Variants in ARSJ observed in about 807,000 individuals in gnomAD.
ARSJ encodes the protein arylsulfatase J.
A neutral mutation model predicts 35.9 loss-of-function variants in ARSJ; 26 were observed. The observed-to-expected ratio is 0.72, with a 90% CI of 0.53 to 1.00. ARSJ has a LOEUF of 1.00. Among genes scored for constraint, ARSJ ranks in the 50% least tolerant of loss-of-function variants. ARSJ has a pLI of 0.00. For missense variants in ARSJ, 667 were observed against 723.6 expected, an observed-to-expected ratio of 0.92 and a Z score of 0.90; for synonymous variants, 294 against 267.6, an observed-to-expected ratio of 1.10 and a Z score of -0.96.
intron 1 of ARSJ, among the ~76,000 whole-genome samples, chr4:113,919,192 A>G (rs527565980): frequency 8.5e-5 from 13 of 152,288 alleles, no homozygotes; most frequent in Admixed American, 7.8e-4. Flanking sequence ...AGCTGAGACC[A>G]AGGGCTCAGT....
chr4:113,953,561 G>A (rs926959911), intron 1 of ARSJ, among the ~76,000 whole-genome samples: 1 of 152,022 alleles, frequency 6.6e-6, no homozygotes, highest in Non-Finnish European at 1.5e-5. Flanking sequence ...AATAGGATTT[G>A]AATTTCCAAT....
chr4:113,959,091 T>G (rs934417789), intron 1 of ARSJ, among the ~76,000 whole-genome samples: 1 of 151,994 alleles, frequency 6.6e-6, no homozygotes, highest in Non-Finnish European at 1.5e-5. Context: ...CGATAAAATT[T>G]AAATAATAAC....
intron 1 of ARSJ, among the ~76,000 whole-genome samples, chr4:113,934,104 A>G (rs1271079556): frequency 6.6e-6 from 1 of 151,834 alleles, no homozygotes; most frequent in Non-Finnish European, 1.5e-5. Flanking sequence ...GACAGTAAAT[A>G]ACGGATGCTG....
chr4:113,941,873 A>C (rs1725181734), intron 1 of ARSJ, among the ~76,000 whole-genome samples: 1 of 152,056 alleles, frequency 6.6e-6, no homozygotes, highest in Non-Finnish European at 1.5e-5. Context: ...TAACATTATT[A>C]TTATGGATTA....
intron 1 of ARSJ, among the ~76,000 whole-genome samples, chr4:113,963,088 T>C (rs1315894148): frequency 6.6e-6 from 1 of 152,018 alleles, no homozygotes; most frequent in African/African-American, 2.4e-5. Flanking sequence ...AATATTGTCC[T>C]CTCAATTTCT....
chr4:113,942,921 T>TA (rs1055038141), intron 1 of ARSJ, among the ~76,000 whole-genome samples: 3 of 151,808 alleles, frequency 2.0e-5, no homozygotes, highest in African/African-American at 4.8e-5. Context: ...ACCTAGCTAT[T>TA]AAAAAAAAGT....
Position 113,902,597 on chromosome 4 carries a change from C to T in ARSJ, c.1477G>A (p.Val493Ile), listed in dbSNP as rs199982892. The T allele has an allele frequency of 1.8e-4, 295 of 1,614,046 alleles. No individual in the cohort carries two copies. Among genetic ancestry groups the T allele is most frequent in the Middle Eastern group, 1.6e-4 (1 of 6,084 alleles). ...TCGGCTGTGATGTTGAAAAGCCATACACTTTTGCCAGTTGACAAGGTGATC... is the reference window on the plus strand; with the variant it reads ...TCGGCTGTGATGTTGAAAAGCCATATACTTTTGCCAGTTGACAAGGTGATC... ...ERITLSTGKS[V>I]WLFNITADPY... The change falls in exon 2 of 2, where the codon GTA becomes ATA. Residue 493 changes from valine to isoleucine, a missense_variant. Val to Ile is a conservative substitution (Grantham distance 29). Coordinates refer to ENST00000315366, the MANE Select transcript of ARSJ (RefSeq NM_024590.4).
chr4:113,954,842 G>A (rs776061430), intron 1 of ARSJ, among the ~76,000 whole-genome samples: 11 of 152,064 alleles, frequency 7.2e-5, no homozygotes, highest in Non-Finnish European at 1.5e-4. Context: ...AGCTCTTAGA[G>A]ATGATTTTTA....
chr4:113,908,615 G>A (rs1018361652), intron 1 of ARSJ, among the ~76,000 whole-genome samples: 2 of 152,026 alleles, frequency 1.3e-5, no homozygotes, highest in Non-Finnish European at 2.9e-5. Flanking sequence ...AAATTCTGAC[G>A]AGTAATAATC....
intron 1 of ARSJ, among the ~76,000 whole-genome samples, chr4:113,923,127 G>A (rs1413895675): frequency 6.6e-6 from 1 of 152,080 alleles, no homozygotes; most frequent in East Asian, 1.9e-4. Context: ...CAGCCTGCAG[G>A]CCTATCCTGT....
In ARSJ at chr4:113,978,605, TG is replaced by T. The variant is rs769409322; in HGVS notation, c.229del (p.His77IlefsTer6). On this transcript the variant is annotated frameshift_variant, in exon 1 of 2. Transcript: ENST00000315366. LOFTEE classifies it high-confidence loss of function. ...EPSTTSTSQP[H>X]LIFILADDQG... ...ATCATCCGCTAGGATGAAAATGAGATGGGGCTGGGAGGTGGAAGTTGTGCTG... is the reference window on the plus strand; with the variant it reads ...ATCATCCGCTAGGATGAAAATGAGATGGGCTGGGAGGTGGAAGTTGTGCTG... The T allele has an allele frequency of 4.3e-5, 70 of 1,614,098 alleles. No individual in the cohort carries two copies. Among genetic ancestry groups the T allele is most frequent in the Non-Finnish European group, 5.6e-5 (66 of 1,180,042 alleles).
At chr4:113,923,792 T>G (rs1483576317) in intron 1 of ARSJ, among the ~76,000 whole-genome samples, 1 of 151,706 alleles carries the variant, frequency 6.6e-6, no homozygotes, top group Non-Finnish European at 1.5e-5. Context: ...CTGTATTGGA[T>G]AGTGAAGATG....
chr4:113,948,557 C>T (rs1320352136), intron 1 of ARSJ, among the ~76,000 whole-genome samples: 1 of 140,184 alleles, frequency 7.1e-6, no homozygotes, highest in African/African-American at 2.6e-5. Flanking sequence ...ATAATAGTTG[C>T]AAGCGTACTA....
At chr4:113,959,084 T>C (rs768965293) in intron 1 of ARSJ, among the ~76,000 whole-genome samples, 8 of 152,156 alleles carry the variant, frequency 5.3e-5, no homozygotes, top group Non-Finnish European at 7.4e-5. Flanking sequence ...AAAAGCACGA[T>C]AAAATTTAAA....
Position 113,958,524 on chromosome 4 carries a change from A to T in ARSJ, c.398+19913T>A, listed in dbSNP as rs1726334935. Among the ~76,000 whole-genome samples, 11 of 152,040 alleles carry T rather than the reference A, an allele frequency of 7.2e-5. No individual in the cohort carries two copies. The South Asian group carries it at 2.3e-3, about 32-fold the overall frequency. On this transcript the variant is annotated intron_variant, in intron 1 of 1. Transcript: ENST00000315366. ...AACTAGACACCTATGATAACCAAAG[A>T]AGGTCTTTGAACCCCTAACTTTGAT... is the stretch of plus-strand genomic sequence containing the variant.
At chr4:113,965,427 G>A (rs1726830742) in intron 1 of ARSJ, among the ~76,000 whole-genome samples, 2 of 152,204 alleles carry the variant, frequency 1.3e-5, no homozygotes, top group South Asian at 4.1e-4. Flanking sequence ...TAGTGTTGGA[G>A]TTGGAATCTT....
At chr4:113,966,819 C>T (rs891573219) in intron 1 of ARSJ, among the ~76,000 whole-genome samples, 1 of 152,172 alleles carries the variant, frequency 6.6e-6, no homozygotes, top group Non-Finnish European at 1.5e-5. Context: ...CAAAACCATG[C>T]CTATCAAGCC....
intron 1 of ARSJ, among the ~76,000 whole-genome samples, chr4:113,924,306 C>T (rs1723916057): frequency 6.6e-6 from 1 of 151,446 alleles, no homozygotes; most frequent in Admixed American, 6.6e-5. Context: ...CCAGTCTCTC[C>T]TTCTCATGTT....
At chr4:113,929,499 A>G (rs1256508037) in intron 1 of ARSJ, among the ~76,000 whole-genome samples, 1 of 152,140 alleles carries the variant, frequency 6.6e-6, no homozygotes, top group Non-Finnish European at 1.5e-5. Context: ...AAGGTTCATC[A>G]GAGTTTACAA....
Sources: gnomAD v4.1 joint callset for allele counts (sites outside exome capture counted in the v4.1 genomes callset) on GRCh38, gnomAD v4.1.1 for gene constraint, MANE v1.5 for transcripts, NCBI Gene and HGNC (gene_info 2026-07-23, HGNC 2026-07-21) for gene names.